The following ITIH1 variants were observed in gnomAD, a reference collection of about 807,000 sequenced individuals.
The protein encoded by ITIH1 is inter-alpha-trypsin inhibitor heavy chain 1, also known as inter-alpha-trypsin inhibitor heavy chain H1.
A neutral mutation model predicts 104.6 loss-of-function variants in ITIH1; 94 were observed. The ratio of observed to expected loss-of-function variants is 0.90; its 90% confidence interval spans 0.76 to 1.07. The LOEUF (loss-of-function observed/expected upper bound fraction) is 1.07. Ranked by LOEUF, ITIH1 falls within the 50% of genes least tolerant of loss-of-function variation. The pLI is 0.00. For missense variants in ITIH1, 1,193 were observed against 1,181.4 expected, an observed-to-expected ratio of 1.01 and a Z score of -0.14; for synonymous variants, 455 against 464.4, an observed-to-expected ratio of 0.98 and a Z score of 0.26.
At chr3:52,778,199 A>T in intron 2 of ITIH1, 141 bp from the exon 3 acceptor site, 2 of 1,098,072 alleles carry the variant, frequency 1.8e-6, no homozygotes, top group South Asian at 2.7e-5. Context: ...TCAGCCAGAG[A>T]GCAGGGGTCT....
Position 52,782,170 on chromosome 3 carries a change from C to A in ITIH1, c.833C>A (p.Ala278Asp), listed in dbSNP as rs762917288. Residue 278 changes from alanine (A) to aspartate (D), a missense_variant, in exon 8 of 22, where the codon GCC becomes GAC. Transcript: ENST00000273283. ...CDLLVANNHF[A>D]HFFAPQNLTN... is the part of the protein sequence containing the mutation. ...TTTCAGGTGGCCAATAACCACTTTG[C>A]CCACTTCTTTGCCCCCCAAAACCTG... 1 of 1,614,142 alleles carries A rather than the reference C, an allele frequency of 6.2e-7. No individual in the cohort carries two copies. Among genetic ancestry groups the A allele is most frequent in the Non-Finnish European group, 8.5e-7 (1 of 1,180,014 alleles).
chr3:52,777,796 CA>C (rs960088690), intron 1 of ITIH1, 64 bp downstream of exon 1: 2 of 1,450,840 alleles, frequency 1.4e-6, no homozygotes, highest in African/African-American at 2.8e-5. Context: ...CCGGGCGGGA[CA>C]CAAGACCCCC....
chr3:52,784,027 C>T (rs1283887569), intron 10 of ITIH1, among the ~76,000 whole-genome samples: 1 of 152,154 alleles, frequency 6.6e-6, no homozygotes, highest in East Asian at 1.9e-4. Context: ...TCTCGCAGTC[C>T]ATGGCAAAGG....
chr3:52,791,419 G>A, intron 20 of ITIH1, 98 bp from the exon 21 acceptor site: 1 of 928,246 alleles, frequency 1.1e-6, no homozygotes, highest in Non-Finnish European at 1.7e-6. Context: ...AAAAAAAGCG[G>A]TCCAGCAATG....
At chr3:52,790,268 GTTCATTCA>G (rs3217089) in intron 19 of ITIH1, 4 of 249,672 alleles carry the variant, frequency 1.6e-5, no homozygotes, top group Non-Finnish European at 2.3e-5. Context: ...TTACTAATTC[GTTCATTCA>G]TTCATTCATT....
intron 6 of ITIH1, 114 bp downstream of exon 6, chr3:52,780,496 C>T (rs1250190883): frequency 2.9e-6 from 2 of 683,346 alleles, no homozygotes; most frequent in Non-Finnish European, 5.0e-6. Context: ...TGTGGTCTGC[C>T]CTCAGGATGA....
At chr3:52,778,230 G>A in intron 2 of ITIH1, 110 bp from the exon 3 acceptor site, 1 of 1,213,034 alleles carries the variant, frequency 8.2e-7, no homozygotes. Context: ...TGTTCTTCCT[G>A]CATCTGGGCA....
At chr3:52,788,541 A>G (rs549671759) in intron 18 of ITIH1, among the ~76,000 whole-genome samples, 196 bp downstream of exon 18, 67 of 148,700 alleles carry the variant, frequency 4.5e-4, no homozygotes, top group African/African-American at 1.6e-3. Flanking sequence ...TCAGCATGTG[A>G]CTGGGGTAGG....
chr3:52,782,860 C>T (rs1578733479), intron 8 of ITIH1, 97 bp from the exon 9 acceptor site: 1 of 1,220,854 alleles, frequency 8.2e-7, no homozygotes, highest in Non-Finnish European at 1.2e-6. Context: ...TGCTTGTCCA[C>T]CCTGTGGATC....
At chr3:52,782,817 G>T in intron 8 of ITIH1, 140 bp from the exon 9 acceptor site, 1 of 793,774 alleles carries the variant, frequency 1.3e-6, no homozygotes, top group East Asian at 2.6e-5. Context: ...GGATGCTCCT[G>T]TCTCGGGGCC....
chr3:52,785,469 G>A (rs891489516), intron 12 of ITIH1, among the ~76,000 whole-genome samples: 8 of 152,206 alleles, frequency 5.3e-5, no homozygotes, highest in African/African-American at 1.4e-4. Flanking sequence ...TCGGCCCCCA[G>A]TGACCAATTG....
chr3:52,781,195 T>C (rs975664387), intron 6 of ITIH1, among the ~76,000 whole-genome samples: 2 of 89,694 alleles, frequency 2.2e-5, no homozygotes, highest in East Asian at 4.4e-4. Flanking sequence ...CCTCCTCCTC[T>C]TCTTTTTTTT....
Position 52,785,100 on chromosome 3 carries a change from C to T in ITIH1, c.1464C>T (p.Pro488=), listed in dbSNP as rs371939641. ...PLLVDVDLQY[P]QDAVLALTQN... ...TGGTGGATGTGGATTTGCAGTACCC[C>T]CAGGATGCTGTCTTGGCCCTGACCC... Residue 488 remains proline (P), a synonymous_variant, in exon 12 of 22, where the codon CCC becomes CCT. Coordinates refer to ENST00000273283, the MANE Select transcript of ITIH1 (RefSeq NM_002215.4). The T allele has an allele frequency of 1.2e-6, 2 of 1,614,122 alleles. No homozygotes were observed. The highest frequency in any genetic ancestry group is 1.7e-6 in the Non-Finnish European group (2 of 1,180,010).
rs1456122136 is a variant in ITIH1, at chr3:52,778,156, T to C, written c.138+139T>C. On this transcript the variant is annotated intron_variant, in intron 2 of 21. Transcript: ENST00000273283. ...CCAGGGTCCTAGAAATGGGGACTTG[T>C]TCCCATCTCACCTCATATCCCACAG... 3.4e-6 allele frequency: 4 copies of C among 1,163,036 alleles called. No individual in the cohort carries two copies. In the African/African-American group the frequency reaches 4.5e-5, roughly 13 times the overall value. The allele number at this position is 1,163,036 out of a possible 1,614,324, so 72.0% of individuals were successfully genotyped here. A position where few individuals can be genotyped will look rare whatever the true frequency, so the allele number is the denominator to read the frequency against.
chr3:52,777,613 A>C lies in ITIH1; in HGVS notation c.-3A>C, dbSNP rs2154108060. ...GGTGACAGGGCAGCAGGAGCCTTAG[A>C]GCATGGACGGTGCCATGGGGCCTCG... On this transcript the variant is annotated 5_prime_UTR_variant, in exon 1 of 22. Transcript: ENST00000273283. The C allele has an allele frequency of 6.4e-7, 1 of 1,569,786 alleles. No individual in the cohort carries two copies. The highest frequency in any genetic ancestry group is 1.4e-5 in the African/African-American group (1 of 73,654).
chr3:52,789,626 C>T (rs1479159783), intron 18 of ITIH1, 27 bp from the exon 19 acceptor site: 1 of 1,609,252 alleles, frequency 6.2e-7, no homozygotes, highest in East Asian at 2.2e-5. Context: ...CCCTTCCCAA[C>T]CCGGATGCCC....
chr3:52,791,234 T>C (rs1699348331), intron 20 of ITIH1, among the ~76,000 whole-genome samples: 1 of 151,462 alleles, frequency 6.6e-6, no homozygotes, highest in South Asian at 2.1e-4. Context: ...CTGTGTGGCC[T>C]TTCTACAGAC....
Position 52,787,011 on chromosome 3 carries a change from T to C in ITIH1, c.1800T>C (p.Tyr600=). 2.5e-6 allele frequency: 4 copies of C among 1,614,168 alleles called. No homozygotes were observed. Among genetic ancestry groups the C allele is most frequent in the Non-Finnish European group, 3.4e-6 (4 of 1,180,008 alleles). ...AGGCCCTGCAGATGTCGCTGGACTATGGGTTTGTGACCCCACTGACCTCCA... is the reference window on the plus strand; with the variant it reads ...AGGCCCTGCAGATGTCGCTGGACTACGGGTTTGTGACCCCACTGACCTCCA... The part of the protein sequence containing the change: ...SSQALQMSLD[Y]GFVTPLTSMS... Residue 600 remains tyrosine (Y), a synonymous_variant, in exon 14 of 22, where the codon TAT becomes TAC. Transcript: ENST00000273283.
intron 6 of ITIH1, 51 bp from the exon 7 acceptor site, chr3:52,781,889 T>C (rs2710323): frequency 0.48 from 766,778 of 1,596,922 alleles, 188,005 homozygotes; most frequent in African/African-American, 0.67. Context: ...TGCAAACATC[T>C]TGTTTGTGGT....
Sources: allele counts gnomAD v4.1 joint callset (sites outside exome capture counted in the v4.1 genomes callset), GRCh38; gene constraint gnomAD v4.1.1; transcripts MANE v1.5; gene names NCBI Gene and HGNC (gene_info 2026-07-23, HGNC 2026-07-21).